DNAAF5: variants seen among roughly 807,000 people sequenced by gnomAD.
DNAAF5 encodes dynein axonemal assembly factor 5.
Under a neutral mutation model 75.8 loss-of-function variants are expected in DNAAF5, and 64 were observed. That is an observed-to-expected ratio of 0.84 (90% CI 0.69 to 1.04). The LOEUF (loss-of-function observed/expected upper bound fraction) is 1.04. Among genes scored for constraint, DNAAF5 ranks in the 50% least tolerant of loss-of-function variants. The probability of loss-of-function intolerance (pLI) is 0.00; values close to 1 mark genes in which losing one functional copy is unlikely to be tolerated. For missense variants in DNAAF5, 1,269 were observed against 1,178.5 expected (o/e 1.08, Z -1.12); for synonymous variants, 657 against 557.2 (o/e 1.18, Z -2.52).
At chr7:766,179 C>T (rs1243975039) in intron 8 of DNAAF5, among the ~76,000 whole-genome samples, 6 of 152,222 alleles carry the variant, frequency 3.9e-5, no homozygotes, top group African/African-American at 1.2e-4. Flanking sequence ...CCCATCTGAG[C>T]GCACACATGT....
intron 2 of DNAAF5, among the ~76,000 whole-genome samples, chr7:732,413 G>C (rs898993781): frequency 6.6e-6 from 1 of 152,228 alleles, no homozygotes; most frequent in Non-Finnish European, 1.5e-5. Context: ...CGCCCTGCAG[G>C]GGTGCCCTGG....
At chr7:743,952 ATTATAC>A (rs1373513772) in intron 4 of DNAAF5, among the ~76,000 whole-genome samples, 1 of 147,650 alleles carries the variant, frequency 6.8e-6, no homozygotes, top group East Asian at 2.0e-4. Context: ...TTTTATTATT[ATTATAC>A]TTTAAGTTTT....
chr7:753,607 CA>C lies in DNAAF5; in HGVS notation c.1025-981del, dbSNP rs915670182. On this transcript the variant is annotated intron_variant, in intron 4 of 12. Transcript: ENST00000297440. ...GGGACGGCTTCACAGACGTGTCTCT[CA>C]TCATATGGGGACGGCTTCACAGGCG... 1.1e-3 allele frequency among the ~76,000 whole-genome samples: 163 copies of C among 144,338 alleles called. 1 individual carries two copies. The highest frequency in any genetic ancestry group is 3.5e-3 in the African/African-American group (137 of 39,024). 94.7% of individuals were successfully genotyped at this position (144,338 alleles called of 152,430 possible).
At chr7:780,197 C>A in intron 12 of DNAAF5, 53 bp downstream of exon 12, 2 of 1,540,680 alleles carry the variant, frequency 1.3e-6, no homozygotes, top group South Asian at 1.2e-5. Context: ...CGGCGCCTGC[C>A]ACGGGCATCT....
At chr7:785,397 A>T in intron 12 of DNAAF5, 120 bp from the exon 13 acceptor site, 1 of 1,060,074 alleles carries the variant, frequency 9.4e-7, no homozygotes, top group Non-Finnish European at 1.4e-6. Context: ...CAGCAGCGTC[A>T]GGTTATTTGC....
intron 8 of DNAAF5, among the ~76,000 whole-genome samples, chr7:766,115 C>T (rs1782813231): frequency 6.6e-6 from 1 of 152,200 alleles, no homozygotes; most frequent in Non-Finnish European, 1.5e-5. Flanking sequence ...CAGGCATAAG[C>T]CACCATGCCT....
rs550160591 is a variant in DNAAF5, at chr7:729,561, G to A, written c.596-102G>A. On this transcript the variant is annotated intron_variant, in intron 1 of 12. Coordinates refer to ENST00000297440, the MANE Select transcript of DNAAF5 (RefSeq NM_017802.4). ...GGACCTGGCGTAGGAGAGGAAGGGA[G>A]GTGAGGAACTCATAGGCAGGCAGCC... is the stretch of plus-strand genomic sequence containing the variant. 6.7e-5 allele frequency: 73 copies of A among 1,090,216 alleles called. No homozygotes were observed. The Middle Eastern group carries it at 1.5e-3, about 23-fold the overall frequency. The allele number at this position is 1,090,216 out of a possible 1,614,324, so 67.5% of individuals were successfully genotyped here. A position where few individuals can be genotyped will look rare whatever the true frequency, so the allele number is the denominator to read the frequency against.
intron 2 of DNAAF5, among the ~76,000 whole-genome samples, chr7:733,446 G>C (rs1397830415): frequency 6.6e-6 from 1 of 152,110 alleles, no homozygotes; most frequent in Admixed American, 6.6e-5. Flanking sequence ...CATGGAGTAT[G>C]TTACCATTTT....
chr7:734,230 G>A (rs1288116465), intron 2 of DNAAF5, among the ~76,000 whole-genome samples: 1 of 152,214 alleles, frequency 6.6e-6, no homozygotes, highest in Non-Finnish European at 1.5e-5. Flanking sequence ...GGTACTAGCT[G>A]TGAGTCTTGT....
intron 8 of DNAAF5, among the ~76,000 whole-genome samples, chr7:764,291 A>G (rs913444677): frequency 1.3e-5 from 2 of 152,222 alleles, no homozygotes; most frequent in Non-Finnish European, 2.9e-5. Flanking sequence ...TGCAGAATCT[A>G]GATGTCTAGC....
Position 758,351 on chromosome 7 carries a change from C to T in DNAAF5, c.1470+1357C>T, listed in dbSNP as rs191203822. Reference sequence around the variant, plus strand: ...CATCTCCATGTTGGTTACAGGAAAACGGAATTGTGTCATCCCACAGTTGTG... The same window carrying T: ...CATCTCCATGTTGGTTACAGGAAAATGGAATTGTGTCATCCCACAGTTGTG... On this transcript the variant is annotated intron_variant, in intron 6 of 12. Transcript: ENST00000297440. Among the ~76,000 whole-genome samples, 98 of 152,324 alleles carry T rather than the reference C, an allele frequency of 6.4e-4. 3 individuals are homozygous for T. Among genetic ancestry groups the T allele is most frequent in the Non-Finnish European group, 1.0e-4 (7 of 68,032 alleles).
Position 774,997 on chromosome 7 carries a change from T to G in DNAAF5, c.2083-9T>G. On this transcript the variant is annotated splice_polypyrimidine_tract_variant and intron_variant, in intron 10 of 12. Transcript: ENST00000297440. ...TGTGAGTCACGTCGTATGTGTTTGC[T>G]GATTGCAGATACGGGACGTGCAGGA... is the stretch of plus-strand genomic sequence containing the variant. The G allele has an allele frequency of 6.2e-7, 1 of 1,613,862 alleles. No individual in the cohort carries two copies. Among genetic ancestry groups the G allele is most frequent in the Non-Finnish European group, 8.5e-7 (1 of 1,179,938 alleles).
chr7:750,505 T>G (rs1305574557), intron 4 of DNAAF5, among the ~76,000 whole-genome samples: 4 of 152,184 alleles, frequency 2.6e-5, no homozygotes, highest in Non-Finnish European at 4.4e-5. Flanking sequence ...TTGTTCTACC[T>G]CAGATCATGA....
intron 4 of DNAAF5, among the ~76,000 whole-genome samples, chr7:741,851 CAG>C (rs1339808287): frequency 6.6e-6 from 1 of 152,164 alleles, no homozygotes; most frequent in Admixed American, 6.5e-5. Context: ...GTGTTGGAAA[CAG>C]TGGGATGAGG....
chr7:745,926 G>A (rs374285247), intron 4 of DNAAF5, among the ~76,000 whole-genome samples: 1 of 152,196 alleles, frequency 6.6e-6, no homozygotes, highest in Admixed American at 6.5e-5. Flanking sequence ...TTAGTTATCC[G>A]TGCCGAGGCG....
chr7:772,969 A>G (rs1475263208), intron 9 of DNAAF5: 1 of 152,034 alleles, frequency 6.6e-6, no homozygotes, highest in Non-Finnish European at 1.5e-5. Flanking sequence ...TTAAAAAAAA[A>G]AAAAAAAAAA....
intron 6 of DNAAF5, among the ~76,000 whole-genome samples, chr7:757,238 T>TCCAGCC (rs1321157735): frequency 6.6e-6 from 1 of 152,220 alleles, no homozygotes; most frequent in East Asian, 1.9e-4. Flanking sequence ...TGTGCAGAGC[T>TCCAGCC]CCAGCCCCAG....
intron 6 of DNAAF5, 72 bp downstream of exon 6, chr7:757,066 A>T: frequency 1.4e-6 from 2 of 1,438,760 alleles, no homozygotes; most frequent in South Asian, 2.5e-5. Context: ...CATCGTAATG[A>T]CATGTCTGTG....
intron 12 of DNAAF5, among the ~76,000 whole-genome samples, chr7:784,018 GCCCCCACC>G: frequency 6.9e-6 from 1 of 145,626 alleles, no homozygotes. Context: ...CCTGTACGCC[GCCCCCACC>G]TCCCCCACCT....
Sources: allele counts gnomAD v4.1 joint callset (sites outside exome capture counted in the v4.1 genomes callset), GRCh38; gene constraint gnomAD v4.1.1; transcripts MANE v1.5; gene names NCBI Gene and HGNC (gene_info 2026-07-23, HGNC 2026-07-21).